SGCZ: variants seen among roughly 807,000 people sequenced by gnomAD.
The protein encoded by SGCZ is sarcoglycan zeta.
SGCZ carries 40 observed loss-of-function variants against 41.3 expected under a neutral mutation model. The ratio of observed to expected loss-of-function variants is 0.97; its 90% confidence interval spans 0.75 to 1.26. SGCZ has a LOEUF of 1.26. SGCZ is among the 50% of genes most tolerant of loss of function. The pLI is 0.00. For missense variants in SGCZ, 552 were observed against 369.8 expected (o/e 1.49, Z -4.04); for synonymous variants, 206 against 137.5 (o/e 1.50, Z -3.49).
intron 1 of SGCZ, among the ~76,000 whole-genome samples, chr8:14,801,183 G>C (rs1801309960): frequency 6.6e-6 from 1 of 152,172 alleles, no homozygotes; most frequent in South Asian, 2.1e-4. Context: ...ATGTGTGTTT[G>C]TGTTGTGTGT....
At chr8:14,738,363 A>G (rs1222779973) in intron 1 of SGCZ, among the ~76,000 whole-genome samples, 6 of 152,088 alleles carry the variant, frequency 3.9e-5, no homozygotes, top group Non-Finnish European at 7.4e-5. Flanking sequence ...AACCACTCTC[A>G]AAGATTCTCT....
intron 1 of SGCZ, among the ~76,000 whole-genome samples, chr8:14,916,562 G>T (rs1799444147): frequency 6.6e-6 from 1 of 152,208 alleles, no homozygotes; most frequent in Admixed American, 6.5e-5. Context: ...AATTGTGAAT[G>T]ATCCTATTTG....
intron 2 of SGCZ, among the ~76,000 whole-genome samples, chr8:14,371,398 G>C (rs1003553175): frequency 8.5e-5 from 13 of 152,058 alleles, no homozygotes; most frequent in African/African-American, 1.7e-4. Flanking sequence ...TCCGGTATTA[G>C]CAATAACCTT....
At chr8:14,730,033 C>A (rs1486954236) in intron 1 of SGCZ, among the ~76,000 whole-genome samples, 1 of 152,126 alleles carries the variant, frequency 6.6e-6, no homozygotes. Context: ...TTGCAGTGAG[C>A]CGAGATCGTG....
chr8:14,338,477 T>C (rs1334699944), intron 2 of SGCZ, among the ~76,000 whole-genome samples: 1 of 152,128 alleles, frequency 6.6e-6, no homozygotes, highest in Admixed American at 6.6e-5. Flanking sequence ...TAGCTCCCAA[T>C]ATCCTGCTTG....
chr8:14,348,469 G>A (rs769194541), intron 2 of SGCZ, among the ~76,000 whole-genome samples: 6 of 152,064 alleles, frequency 3.9e-5, no homozygotes, highest in Admixed American at 3.3e-4. Flanking sequence ...CTACCATTAT[G>A]CAGTATATTT....
chr8:14,674,464 T>G (rs926738087), intron 1 of SGCZ, among the ~76,000 whole-genome samples: 4 of 152,212 alleles, frequency 2.6e-5, no homozygotes, highest in Non-Finnish European at 5.9e-5. Context: ...GAACTGATCT[T>G]TAGTTCCTGA....
In SGCZ at chr8:14,327,708, T is replaced by C. The variant is rs1279891556; in HGVS notation, c.235-3504A>G. Among the ~76,000 whole-genome samples the C allele has an allele frequency of 2.0e-5, 3 of 152,336 alleles. No homozygotes were observed. In the East Asian group the frequency reaches 5.8e-4, roughly 29 times the overall value. On this transcript the variant is annotated intron_variant, in intron 2 of 7. Transcript: ENST00000382080. ...TTCTTCTTATATTTTCTACTTAATA[T>C]ATGATTTCAGATATACCATCACATT...
intron 1 of SGCZ, among the ~76,000 whole-genome samples, chr8:15,193,425 T>C (rs1027433244): frequency 1.3e-5 from 2 of 152,096 alleles, no homozygotes; most frequent in Non-Finnish European, 2.9e-5. Context: ...ATTTTCTATG[T>C]GTTAATCACT....
At chr8:14,403,004 C>A (rs1426772540) in intron 2 of SGCZ, among the ~76,000 whole-genome samples, 1 of 149,822 alleles carries the variant, frequency 6.7e-6, no homozygotes. Flanking sequence ...AGGTCCTTCA[C>A]ATCCCTTGTA....
intron 1 of SGCZ, among the ~76,000 whole-genome samples, chr8:15,233,663 A>C (rs1802031343): frequency 6.6e-6 from 1 of 152,074 alleles, no homozygotes; most frequent in South Asian, 2.1e-4. Context: ...ATAAACTCAA[A>C]TAAGTAAGAT....
intron 1 of SGCZ, among the ~76,000 whole-genome samples, chr8:15,125,827 T>C (rs1807657688): frequency 6.6e-6 from 1 of 152,214 alleles, no homozygotes; most frequent in Non-Finnish European, 1.5e-5. Context: ...TTTGTTTCAT[T>C]TGATTAAGCT....
intron 1 of SGCZ, among the ~76,000 whole-genome samples, chr8:15,066,057 C>T (rs563780709): frequency 6.6e-6 from 1 of 152,058 alleles, no homozygotes; most frequent in South Asian, 2.1e-4. Context: ...GCCTGTAATC[C>T]CAGCACTTTG....
chr8:14,715,561 A>ACACACAC (rs35989917), intron 1 of SGCZ, among the ~76,000 whole-genome samples: 1 of 65,064 alleles, frequency 1.5e-5, no homozygotes, highest in African/African-American at 1.3e-4. Flanking sequence ...CACACACACA[A>ACACACAC]ACATGCACAC....
chr8:14,410,790 T>G (rs918241800), intron 2 of SGCZ, among the ~76,000 whole-genome samples: 24 of 152,140 alleles, frequency 1.6e-4, no homozygotes, highest in Admixed American at 7.9e-4. Flanking sequence ...CAAAAACCAA[T>G]GAAACGAACA....
chr8:15,052,574 T>C (rs1184395602), intron 1 of SGCZ, among the ~76,000 whole-genome samples: 1 of 152,084 alleles, frequency 6.6e-6, no homozygotes, highest in African/African-American at 2.4e-5. Context: ...CTAGTCTCAG[T>C]AGTGTATTTT....
At chr8:15,194,578 T>A (rs1162990507) in intron 1 of SGCZ, among the ~76,000 whole-genome samples, 2 of 152,048 alleles carry the variant, frequency 1.3e-5, no homozygotes, top group African/African-American at 4.8e-5. Context: ...TCACGAGGGT[T>A]CTAATAAAGG....
chr8:14,285,325 G>C (rs529863475), intron 3 of SGCZ, among the ~76,000 whole-genome samples: 1 of 151,956 alleles, frequency 6.6e-6, no homozygotes, highest in Admixed American at 6.6e-5. Flanking sequence ...TGTTTGTTTG[G>C]GACTTATTTC....
chr8:14,929,853 G>A (rs1799876224), intron 1 of SGCZ, among the ~76,000 whole-genome samples: 2 of 151,954 alleles, frequency 1.3e-5, no homozygotes, highest in Non-Finnish European at 2.9e-5. Flanking sequence ...CAGAATGACA[G>A]GCACGAAATG....
Sources: gnomAD v4.1 joint callset for allele counts (sites outside exome capture counted in the v4.1 genomes callset) on GRCh38, gnomAD v4.1.1 for gene constraint, MANE v1.5 for transcripts, NCBI Gene and HGNC (gene_info 2026-07-23, HGNC 2026-07-21) for gene names.